Variants in TTK observed in about 807,000 individuals in gnomAD.
TTK encodes dual specificity protein kinase TTK.
TTK carries 59 observed loss-of-function variants against 117.3 expected under a neutral mutation model. The observed-to-expected ratio is 0.50, with a 90% CI of 0.41 to 0.62. TTK has a LOEUF of 0.62. Ranked by LOEUF, TTK falls within the 20% of genes least tolerant of loss-of-function variation. TTK has a pLI of 0.00. For missense variants in TTK, 921 were observed against 989.4 expected, an observed-to-expected ratio of 0.93 and a Z score of 0.93; for synonymous variants, 302 against 325.0, an observed-to-expected ratio of 0.93 and a Z score of 0.76.
chr6:80,036,230 G>A (rs899701089), intron 16 of TTK, among the ~76,000 whole-genome samples: 7 of 152,092 alleles, frequency 4.6e-5, no homozygotes, highest in Non-Finnish European at 7.4e-5. Flanking sequence ...TTATAGTGGG[G>A]ATGATGATAA....
chr6:80,008,972 G>A (rs1335198462), intron 4 of TTK, among the ~76,000 whole-genome samples: 6 of 63,506 alleles, frequency 9.4e-5, no homozygotes, highest in South Asian at 1.0e-3. Flanking sequence ...TGTGTGTAGC[G>A]TTAATTGGTA....
intron 20 of TTK, 23 bp from the exon 21 acceptor site, chr6:80,040,583 T>G (rs540739226): frequency 6.3e-7 from 1 of 1,593,772 alleles, no homozygotes; most frequent in South Asian, 1.1e-5. Flanking sequence ...CTGGTACTAG[T>G]GTATTATTGA....
At chr6:80,008,167 A>C in intron 3 of TTK, 136 bp downstream of exon 3, 3 of 1,121,768 alleles carry the variant, frequency 2.7e-6, no homozygotes, top group Non-Finnish European at 2.5e-6. Context: ...CTTATAGTTA[A>C]CAAGAGACTA....
chr6:80,006,109 C>T (rs1319535232), intron 2 of TTK, 127 bp downstream of exon 2: 6 of 1,285,920 alleles, frequency 4.7e-6, no homozygotes, highest in Non-Finnish European at 6.5e-6. Flanking sequence ...CATTAGAATG[C>T]AGGCTACATG....
At chr6:80,005,820 G>T in intron 1 of TTK, 22 bp from the exon 2 acceptor site, 1 of 1,609,838 alleles carries the variant, frequency 6.2e-7, no homozygotes, top group South Asian at 1.1e-5. Flanking sequence ...TAGGAGTTAT[G>T]ACTGTTCAGT....
chr6:80,035,123 A>T lies in TTK; in HGVS notation c.1753A>T (p.Ile585Phe). 1.3e-6 allele frequency: 2 copies of T among 1,562,136 alleles called. No individual in the cohort carries two copies. The highest frequency in any genetic ancestry group is 1.7e-6 in the Non-Finnish European group (2 of 1,161,212). The change falls in exon 15 of 22, where the codon ATC becomes TTC. Residue 585 changes from isoleucine (I) to phenylalanine (F), a missense_variant. Ile to Phe is a conservative substitution (Grantham distance 21, BLOSUM62 0). Coordinates refer to ENST00000369798, the MANE Select transcript of TTK (RefSeq NM_003318.5). Reference protein sequence around the residue: ...LNKLQQHSDKIIRLYDYEITD... With the variant: ...LNKLQQHSDKFIRLYDYEITD... The stretch of plus-strand genomic sequence containing the variant: ...TAAACTACAACAACACAGTGATAAG[A>T]TCATCCGACTTTATGATTAGTAAGA...
rs185300112 is a variant in TTK at position 80,036,585 on chromosome 6, G to A, written c.2035G>A (p.Val679Ile). 9.3e-6 allele frequency: 15 copies of A among 1,608,486 alleles called. No homozygotes were observed. Among genetic ancestry groups the A allele is most frequent in the Middle Eastern group, 1.7e-4 (1 of 6,050 alleles). ...NQMQPDTTSV[V>I]KDSQVGTVNY... The stretch of plus-strand genomic sequence containing the variant: ...AATGCAACCAGATACAACAAGTGTT[G>A]TTAAAGATTCTCAGGTAAGACTTAA... The change falls in exon 17 of 22, where the codon GTT (valine) becomes ATT (isoleucine). Residue 679 changes from valine to isoleucine, a missense_variant. Val to Ile is a conservative substitution (Grantham distance 29). Coordinates refer to ENST00000369798, the MANE Select transcript of TTK (RefSeq NM_003318.5).
intron 12 of TTK, among the ~76,000 whole-genome samples, chr6:80,027,017 G>C (rs951195969): frequency 5.3e-5 from 8 of 152,114 alleles, no homozygotes; most frequent in Non-Finnish European, 1.2e-4. Flanking sequence ...GAAGAAGTTC[G>C]ATGATGAGTG....
chr6:80,022,816 C>T (rs1036286607), intron 11 of TTK, among the ~76,000 whole-genome samples: 3 of 152,170 alleles, frequency 2.0e-5, no homozygotes, highest in Non-Finnish European at 4.4e-5. Flanking sequence ...ATTATAAGAG[C>T]AGAGTTGATT....
chr6:80,037,008 T>TGAAATTGGAAAAA (rs962052195), intron 17 of TTK, among the ~76,000 whole-genome samples: 1 of 152,064 alleles, frequency 6.6e-6, no homozygotes, highest in Non-Finnish European at 1.5e-5. Context: ...TTCCTATCAC[T>TGAAATTGGAAAAA]GAAATTGGAA....
chr6:80,020,748 GGTT>G (rs1286053403), intron 10 of TTK, among the ~76,000 whole-genome samples: 2 of 152,224 alleles, frequency 1.3e-5, no homozygotes, highest in African/African-American at 4.8e-5. Context: ...TCAGAGGCCA[GGTT>G]GTTGGAAACC....
At chr6:80,010,368 C>T (rs1767109230) in intron 4 of TTK, among the ~76,000 whole-genome samples, 1 of 150,626 alleles carries the variant, frequency 6.6e-6, no homozygotes. Flanking sequence ...GTCATCCTTC[C>T]CTTAACTAAA....
chr6:80,018,564 C>T (rs543709605), intron 10 of TTK, among the ~76,000 whole-genome samples: 3 of 145,052 alleles, frequency 2.1e-5, no homozygotes, highest in Non-Finnish European at 4.5e-5. Flanking sequence ...GCGGAAGTTG[C>T]AGTGAGCTGA....
intron 18 of TTK, 136 bp downstream of exon 18, chr6:80,038,183 T>C: frequency 2.1e-6 from 1 of 473,854 alleles, no homozygotes; most frequent in Non-Finnish European, 3.6e-6. Context: ...TGCTGGTTTT[T>C]TTCGTTTCCA....
chr6:80,012,615 C>T (rs1479471097), intron 8 of TTK, among the ~76,000 whole-genome samples: 1 of 152,050 alleles, frequency 6.6e-6, no homozygotes, highest in East Asian at 1.9e-4. Context: ...AGGCTCCTTA[C>T]AGTCCAGAGA....
At chr6:80,023,375 C>T (rs1032425962) in intron 11 of TTK, among the ~76,000 whole-genome samples, 7 of 152,242 alleles carry the variant, frequency 4.6e-5, no homozygotes, top group South Asian at 2.1e-4. Context: ...GGGCAGATCA[C>T]GAGGTCAGGA....
Position 80,035,394 on chromosome 6 carries a change from C to T in TTK, c.1901C>T (p.Ala634Val), listed in dbSNP as rs201661746. 3 of 1,606,478 alleles carry T rather than the reference C, an allele frequency of 1.9e-6. No individual in the cohort carries two copies. The highest frequency in any genetic ancestry group is 2.5e-6 in the Non-Finnish European group (3 of 1,177,684). Residue 634 changes from alanine to valine, a missense_variant, in exon 16 of 22, where the codon GCA becomes GTA. Coordinates refer to ENST00000369798, the MANE Select transcript of TTK (RefSeq NM_003318.5). ...RKSYWKNMLE[A>V]VHTIHQHGIV... ...AGTTACTGGAAAAATATGTTAGAGG[C>T]AGTTCACACAATCCATCAACATGGT...
rs968575765 is a variant in TTK, at chr6:80,037,675, G to A, written c.2050-292G>A. 4 of 166,416 alleles carry A rather than the reference G, an allele frequency of 2.4e-5. No individual in the cohort carries two copies. In the East Asian group the frequency reaches 6.4e-4, roughly 27 times the overall value. The allele number at this position is 166,416 out of a possible 1,614,324, so 10.3% of individuals were successfully genotyped here. A position where few individuals can be genotyped will look rare whatever the true frequency, so the allele number is the denominator to read the frequency against. ...CCAGTATAATCATAGAAAAAGCACAGCATTCTGAAAGGAGTCACTTTGCTG... is the reference window on the plus strand; with the variant it reads ...CCAGTATAATCATAGAAAAAGCACAACATTCTGAAAGGAGTCACTTTGCTG... On this transcript the variant is annotated intron_variant, in intron 17 of 21. Transcript: ENST00000369798.
At chr6:80,035,236 G>A (rs539918907) in intron 15 of TTK, 30 bp from the exon 16 acceptor site, 2 of 1,561,060 alleles carry the variant, frequency 1.3e-6, no homozygotes, top group African/African-American at 1.4e-5. Flanking sequence ...GCCATTTATT[G>A]TTTTGTTGCT....
Sources: allele counts gnomAD v4.1 joint callset (sites outside exome capture counted in the v4.1 genomes callset), GRCh38; gene constraint gnomAD v4.1.1; transcripts MANE v1.5; gene names NCBI Gene and HGNC (gene_info 2026-07-23, HGNC 2026-07-21).